The following RASGRP3 variants were observed in gnomAD, a reference collection of about 807,000 sequenced individuals.
The protein encoded by RASGRP3 is RAS guanyl releasing protein 3, also known as ras guanyl-releasing protein 3.
Under a neutral mutation model 82.7 loss-of-function variants are expected in RASGRP3, and 54 were observed. The observed-to-expected ratio is 0.65, with a 90% CI of 0.52 to 0.82. The LOEUF (loss-of-function observed/expected upper bound fraction) is 0.82. Ranked by LOEUF, RASGRP3 falls within the 40% of genes least tolerant of loss-of-function variation. RASGRP3 has a pLI of 0.00. For synonymous variants in RASGRP3, 309 were observed against 300.5 expected, an observed-to-expected ratio of 1.03 and a Z score of -0.29; for missense variants, 861 against 828.9, an observed-to-expected ratio of 1.04 and a Z score of -0.48.
At position 33,540,790 on chromosome 2, in the gene RASGRP3, T is replaced by C. The variant is rs958087391; in HGVS notation, c.1278+1580T>C. 1.4e-4 allele frequency among the ~76,000 whole-genome samples: 20 copies of C among 145,844 alleles called. 2 individuals are homozygous for C. Among genetic ancestry groups the C allele is most frequent in the Non-Finnish European group, 3.1e-5 (2 of 65,324 alleles). The stretch of plus-strand genomic sequence containing the variant: ...TGGTATAAATATGGATGTTAAACTA[T>C]AAATAGTAGGCATTCCAAAATAGTT... On this transcript the variant is annotated intron_variant, in intron 12 of 17. Transcript: ENST00000403687.
intron 2 of RASGRP3, among the ~76,000 whole-genome samples, chr2:33,456,716 T>A (rs1195868506): frequency 6.6e-6 from 1 of 152,184 alleles, no homozygotes; most frequent in Non-Finnish European, 1.5e-5. Context: ...CCACAATTTT[T>A]AAAAAATTCA....
intron 4 of RASGRP3, among the ~76,000 whole-genome samples, chr2:33,519,587 A>G (rs1671814950): frequency 6.6e-6 from 1 of 152,222 alleles, no homozygotes; most frequent in South Asian, 2.1e-4. Context: ...AGCCTGGGCA[A>G]CAGAGCGAGA....
intron 10 of RASGRP3, among the ~76,000 whole-genome samples, chr2:33,530,612 T>A (rs1463915452): frequency 6.6e-6 from 1 of 151,370 alleles, no homozygotes; most frequent in Non-Finnish European, 1.5e-5. Context: ...GGACATTTGC[T>A]CTCTCATGTG....
chr2:33,503,322 T>A (rs1175224112), intron 1 of RASGRP3, among the ~76,000 whole-genome samples: 1 of 152,158 alleles, frequency 6.6e-6, no homozygotes, highest in Non-Finnish European at 1.5e-5. Flanking sequence ...ACTACATAAA[T>A]TTTCTAGTCA....
intron 1 of RASGRP3, among the ~76,000 whole-genome samples, chr2:33,447,105 CAAA>C (rs1161927671): frequency 1.0e-4 from 6 of 59,258 alleles, no homozygotes; most frequent in Non-Finnish European, 1.2e-4. Context: ...GACTCCGTCT[CAAA>C]AAAAAAAAAA....
Position 33,516,570 on chromosome 2 carries a change from T to C in RASGRP3, c.99T>C (p.Tyr33=). The change falls in exon 4 of 18, where the codon TAT becomes TAC. Residue 33 remains tyrosine, a synonymous_variant. Transcript: ENST00000403687. The part of the protein sequence containing the change: ...FDDNGELDNS[Y]LPRIVLLMHR... ...ACAATGGAGAGCTGGATAATAGTTATTTGCCAAGAATAGTTCTACTGATGC... is the reference window on the plus strand; with the variant it reads ...ACAATGGAGAGCTGGATAATAGTTACTTGCCAAGAATAGTTCTACTGATGC... 6.3e-7 allele frequency: 1 copy of C among 1,590,012 alleles called. No individual in the cohort carries two copies.
intron 1 of RASGRP3, among the ~76,000 whole-genome samples, chr2:33,441,081 C>T (rs1318531030): frequency 6.6e-6 from 1 of 152,054 alleles, no homozygotes; most frequent in Non-Finnish European, 1.5e-5. Context: ...TTAGTAGAAA[C>T]AGGGTTTCAC....
rs73926666 is a variant in RASGRP3, at chr2:33,469,147, C to G, written c.-261+21204C>G. ...TGTAGATTGGTCATTTATGTTTCTT[C>G]CCTTGTGAACTATTTATTAATATCC... On this transcript the variant is annotated intron_variant, in intron 2 of 18. Transcript: ENST00000402538. Among the ~76,000 whole-genome samples, 694 of 150,400 alleles carry G rather than the reference C, an allele frequency of 4.6e-3. 4 individuals are homozygous for G. The highest frequency in any genetic ancestry group is 0.016 in the African/African-American group (658 of 40,830).
intron 2 of RASGRP3, among the ~76,000 whole-genome samples, chr2:33,449,062 A>G (rs1665649758): frequency 6.6e-6 from 1 of 152,212 alleles, no homozygotes; most frequent in South Asian, 2.1e-4. Context: ...TATGCATACC[A>G]GGTATAACAT....
chr2:33,526,031 A>C (rs1199894837), intron 9 of RASGRP3, among the ~76,000 whole-genome samples: 2 of 152,178 alleles, frequency 1.3e-5, no homozygotes, highest in Non-Finnish European at 2.9e-5. Flanking sequence ...CTTGTTCATG[A>C]AAGTTGAAGA....
chr2:33,446,600 C>T (rs141128738), intron 1 of RASGRP3, among the ~76,000 whole-genome samples: 212 of 151,902 alleles, frequency 1.4e-3, no homozygotes, highest in African/African-American at 4.9e-3. Context: ...AATATGCAGG[C>T]ACATGAGAAT....
At chr2:33,530,875 G>C (rs1034781569) in intron 10 of RASGRP3, 3 of 152,150 alleles carry the variant, frequency 2.0e-5, no homozygotes, top group Non-Finnish European at 2.9e-5. Flanking sequence ...AATATCTGGA[G>C]AGGACATTTG....
chr2:33,491,005 A>G (rs1668795898), intron 1 of RASGRP3, among the ~76,000 whole-genome samples: 1 of 152,318 alleles, frequency 6.6e-6, no homozygotes, highest in South Asian at 2.1e-4. Flanking sequence ...TCAGAGTTAC[A>G]CTTTTATTAG....
chr2:33,536,748 T>C (rs1673651769), intron 11 of RASGRP3, among the ~76,000 whole-genome samples: 1 of 152,138 alleles, frequency 6.6e-6, no homozygotes, highest in Non-Finnish European at 1.5e-5. Context: ...ACATGTCCTG[T>C]TGAGATGGGA....
At chr2:33,477,343 T>C (rs1667466811) in intron 1 of RASGRP3, among the ~76,000 whole-genome samples, 2 of 152,260 alleles carry the variant, frequency 1.3e-5, no homozygotes, top group African/African-American at 4.8e-5. Context: ...AGCGACTTTT[T>C]TTCCCCCCAA....
chr2:33,562,643 A>T, intron 17 of RASGRP3, 86 bp from the exon 18 acceptor site: 3 of 1,440,444 alleles, frequency 2.1e-6, no homozygotes, highest in Non-Finnish European at 2.9e-6. Flanking sequence ...GTTCCCTCAA[A>T]GTCATCTGAA....
intron 2 of RASGRP3, among the ~76,000 whole-genome samples, chr2:33,456,538 G>C (rs982156778): frequency 6.6e-6 from 1 of 152,034 alleles, no homozygotes; most frequent in Non-Finnish European, 1.5e-5. Context: ...AAAGACCTTA[G>C]GAACTTTAAA....
At chr2:33,471,933 G>C (rs919173349), upstream of RASGRP3, among the ~76,000 whole-genome samples, 1 of 151,602 alleles carries the variant, frequency 6.6e-6, no homozygotes, top group Non-Finnish European at 1.5e-5. Context: ...TTCCCCAAGA[G>C]CGTGGGGTCT....
intron 1 of RASGRP3, among the ~76,000 whole-genome samples, chr2:33,477,824 T>C (rs1667514250): frequency 6.6e-6 from 1 of 152,176 alleles, no homozygotes; most frequent in Non-Finnish European, 1.5e-5. Context: ...CAGGTTCCTG[T>C]TTCTGGAGAT....
Sources: gnomAD v4.1 joint callset for allele counts (sites outside exome capture counted in the v4.1 genomes callset) on GRCh38, gnomAD v4.1.1 for gene constraint, MANE v1.5 for transcripts, NCBI Gene and HGNC (gene_info 2026-07-23, HGNC 2026-07-21) for gene names.